Variants in PKHD1 observed in about 807,000 individuals in gnomAD.
The protein encoded by PKHD1 is PKHD1 ciliary IPT domain containing fibrocystin/polyductin.
In PKHD1, 291 loss-of-function variants were observed where a neutral mutation model predicts 412.0. The ratio of observed to expected loss-of-function variants is 0.71; its 90% CI spans 0.64 to 0.78. PKHD1 has a LOEUF of 0.78. Among genes scored for constraint, PKHD1 ranks in the 30% least tolerant of loss-of-function variants. The pLI is 0.00. For missense variants in PKHD1, 4,825 were observed against 4,950.7 expected (o/e 0.97, Z 0.76); for synonymous variants, 1,777 against 1,821.5 (o/e 0.98, Z 0.62).
intron 32 of PKHD1, among the ~76,000 whole-genome samples, chr6:52,023,958 T>C (rs1247933155): frequency 4.6e-5 from 7 of 152,238 alleles, no homozygotes; most frequent in African/African-American, 1.7e-4. Context: ...TTCTATAGTT[T>C]TTTTCCTTAC....
intron 60 of PKHD1, among the ~76,000 whole-genome samples, chr6:51,694,787 A>G (rs1051160326): frequency 6.6e-6 from 1 of 152,096 alleles, no homozygotes; most frequent in Non-Finnish European, 1.5e-5. Flanking sequence ...GACTGTGTGT[A>G]TAAACAGACT....
chr6:51,944,020 C>T (rs2127826697), intron 36 of PKHD1, among the ~76,000 whole-genome samples: 1 of 152,084 alleles, frequency 6.6e-6, no homozygotes, highest in East Asian at 1.9e-4. Flanking sequence ...CATCATATCC[C>T]CTGTGACCTG....
chr6:52,016,945 C>T (rs1009718236), intron 34 of PKHD1, among the ~76,000 whole-genome samples: 1 of 152,168 alleles, frequency 6.6e-6, no homozygotes, highest in South Asian at 2.1e-4. Flanking sequence ...CCTAGATCTA[C>T]AGTAATTCCG....
intron 36 of PKHD1, among the ~76,000 whole-genome samples, chr6:51,952,544 A>C (rs1387615512): frequency 1.3e-5 from 2 of 152,162 alleles, no homozygotes; most frequent in Non-Finnish European, 2.9e-5. Flanking sequence ...AAAATGGTAG[A>C]GGGAAGAAAA....
In PKHD1 at chr6:51,927,684, G is replaced by A. The variant is rs188066829; in HGVS notation, c.6121+6426C>T. On this transcript the variant is annotated intron_variant, in intron 37 of 66. Coordinates refer to ENST00000371117, the MANE Select transcript of PKHD1 (RefSeq NM_138694.4). Reference sequence around the variant, plus strand: ...CCCAGGTGGAATGTCTGCATATGCAGCCTATTTGCTCAGCTGCTCATGCTT... The same window carrying A: ...CCCAGGTGGAATGTCTGCATATGCAACCTATTTGCTCAGCTGCTCATGCTT... Among the ~76,000 whole-genome samples, 125 of 152,342 alleles carry A rather than the reference G, an allele frequency of 8.2e-4. No individual in the cohort carries two copies. In the Middle Eastern group the frequency reaches 0.01, roughly 12 times the overall value.
At chr6:51,979,462 C>T (rs1794869383) in intron 35 of PKHD1, among the ~76,000 whole-genome samples, 2 of 152,064 alleles carry the variant, frequency 1.3e-5, no homozygotes, top group Admixed American at 6.6e-5. Flanking sequence ...CCCCCACATC[C>T]TTTCATTCTC....
At chr6:51,943,048 C>T (rs539407511) in intron 36 of PKHD1, among the ~76,000 whole-genome samples, 48 of 151,754 alleles carry the variant, frequency 3.2e-4, no homozygotes, top group African/African-American at 1.1e-3. Flanking sequence ...AAGGCCACCA[C>T]GGTCATTTCT....
At chr6:51,963,673 G>T (rs1792395696) in intron 35 of PKHD1, among the ~76,000 whole-genome samples, 3 of 151,904 alleles carry the variant, frequency 2.0e-5, no homozygotes, top group African/African-American at 7.3e-5. Context: ...AGTGAGGATG[G>T]CTCACCTTCC....
intron 56 of PKHD1, among the ~76,000 whole-genome samples, chr6:51,754,383 C>T (rs1253092270): frequency 2.0e-5 from 3 of 152,010 alleles, no homozygotes; most frequent in African/African-American, 4.8e-5. Context: ...TCATTATTTA[C>T]AGTAACTACA....
chr6:51,944,094 C>T (rs1789042292), intron 36 of PKHD1, among the ~76,000 whole-genome samples: 1 of 152,130 alleles, frequency 6.6e-6, no homozygotes, highest in Non-Finnish European at 1.5e-5. Context: ...ATTTAAATGG[C>T]CTGTTCCTGC....
intron 28 of PKHD1, among the ~76,000 whole-genome samples, chr6:52,034,222 C>T (rs987333533): frequency 6.0e-5 from 9 of 149,944 alleles, no homozygotes; most frequent in Non-Finnish European, 8.9e-5. Flanking sequence ...ATATACTACC[C>T]GGTTCTGCCA....
At chr6:51,989,965 AAGGAAGGAAGGAAGGAAGGG>A (rs1796821427) in intron 35 of PKHD1, among the ~76,000 whole-genome samples, 1 of 78,618 alleles carries the variant, frequency 1.3e-5, no homozygotes, top group African/African-American at 4.6e-5. Flanking sequence ...GGAAAGAAGG[AAGGAAGGAAGGAAGGAAGGG>A]AGAGATACAG....
At chr6:51,742,107 C>A (rs1046092195) in intron 60 of PKHD1, among the ~76,000 whole-genome samples, 1 of 152,166 alleles carries the variant, frequency 6.6e-6, no homozygotes, top group African/African-American at 2.4e-5. Context: ...AACCCCTTAT[C>A]TTTTCTTCTT....
At chr6:51,647,288 C>T (rs1770220209) in intron 63 of PKHD1, among the ~76,000 whole-genome samples, 3 of 152,166 alleles carry the variant, frequency 2.0e-5, no homozygotes, top group African/African-American at 7.2e-5. Flanking sequence ...AACTCAGAAA[C>T]TATTTTTCCC....
intron 30 of PKHD1, 76 bp downstream of exon 30, chr6:52,028,080 A>G: frequency 2.1e-6 from 3 of 1,427,506 alleles, no homozygotes; most frequent in South Asian, 1.1e-5. Flanking sequence ...GAAAATACCT[A>G]ACTCAAAATT....
At chr6:51,651,311 G>T (rs1581843276) in intron 61 of PKHD1, among the ~76,000 whole-genome samples, 1 of 152,186 alleles carries the variant, frequency 6.6e-6, no homozygotes, top group East Asian at 1.9e-4. Flanking sequence ...GACCGTAGGT[G>T]GTACTGTTTT....
chr6:52,061,329 C>T lies in PKHD1; in HGVS notation c.1118+1190G>A, dbSNP rs528719226. Among the ~76,000 whole-genome samples the T allele has an allele frequency of 5.3e-5, 8 of 152,232 alleles. No homozygotes were observed. In the South Asian group the frequency reaches 1.2e-3, roughly 24 times the overall value. ...TCAGCCTCTCAAGTAGCTACAGGTG[C>T]ACACCATCACACCTGGCTAATTTTT... On this transcript the variant is annotated intron_variant, in intron 14 of 66. Coordinates refer to ENST00000371117, the MANE Select transcript of PKHD1 (RefSeq NM_138694.4).
intron 48 of PKHD1, among the ~76,000 whole-genome samples, chr6:51,862,771 C>T (rs2151731270): frequency 6.6e-6 from 1 of 152,220 alleles, no homozygotes; most frequent in African/African-American, 2.4e-5. Flanking sequence ...AAGGAAGAAA[C>T]AGAAGGTACT....
intron 60 of PKHD1, among the ~76,000 whole-genome samples, chr6:51,715,250 A>G (rs2150785249): frequency 6.6e-6 from 1 of 152,284 alleles, no homozygotes; most frequent in East Asian, 1.9e-4. Context: ...AAATGGACTC[A>G]GGGAGCATAA....
Sources: gnomAD v4.1 joint callset for allele counts (sites outside exome capture counted in the v4.1 genomes callset) on GRCh38, gnomAD v4.1.1 for gene constraint, MANE v1.5 for transcripts, NCBI Gene and HGNC (gene_info 2026-07-23, HGNC 2026-07-21) for gene names.